Variants in CNTLN observed in about 807,000 individuals in gnomAD.
CNTLN encodes the protein centlein.
Under a neutral mutation model 180.0 loss-of-function variants are expected in CNTLN, and 212 were observed. The observed-to-expected ratio is 1.18, with a 90% CI of 1.05 to 1.32. The LOEUF is 1.32. CNTLN is among the 40% of genes most tolerant of loss of function. The probability of loss-of-function intolerance (pLI) is 0.00; values close to 1 mark genes in which losing one functional copy is unlikely to be tolerated. For synonymous variants in CNTLN, 722 were observed against 563.1 expected, an observed-to-expected ratio of 1.28 and a Z score of -3.99; for missense variants, 2,095 against 1,610.9, an observed-to-expected ratio of 1.30 and a Z score of -5.14.
chr9:17,299,669 G>A (rs1367169370), intron 7 of CNTLN: 1 of 982,500 alleles, frequency 1.0e-6, no homozygotes, highest in East Asian at 1.1e-4. Flanking sequence ...TGTTTTATGG[G>A]GTGACATTGC....
At chr9:17,158,907 C>T (rs1165190911) in intron 2 of CNTLN, among the ~76,000 whole-genome samples, 2 of 151,730 alleles carry the variant, frequency 1.3e-5, no homozygotes, top group Admixed American at 1.3e-4. Context: ...ATTCTGCTTG[C>T]TTTAGGTTTA....
At chr9:17,203,748 G>A (rs1457448090) in intron 2 of CNTLN, among the ~76,000 whole-genome samples, 2 of 152,082 alleles carry the variant, frequency 1.3e-5, no homozygotes, top group African/African-American at 2.4e-5. Context: ...TAGTAGAGAC[G>A]GGGTTTCACC....
chr9:17,440,483 A>G (rs1314979106), intron 18 of CNTLN, among the ~76,000 whole-genome samples: 2 of 150,492 alleles, frequency 1.3e-5, no homozygotes, highest in Admixed American at 1.3e-4. Flanking sequence ...CAGCTATTCG[A>G]GAGGCTGAGG....
At chr9:17,303,086 T>G (rs1186658357) in intron 7 of CNTLN, among the ~76,000 whole-genome samples, 1 of 152,208 alleles carries the variant, frequency 6.6e-6, no homozygotes, top group Non-Finnish European at 1.5e-5. Flanking sequence ...TATCCCTGTT[T>G]GTAGATCAGG....
chr9:17,247,306 A>G (rs949338261), intron 5 of CNTLN, among the ~76,000 whole-genome samples: 1 of 152,054 alleles, frequency 6.6e-6, no homozygotes, highest in Non-Finnish European at 1.5e-5. Flanking sequence ...TCAGATTCCA[A>G]CTGCTGGGTT....
At chr9:17,388,054 C>T (rs1825819614) in intron 13 of CNTLN, 108 bp from the exon 14 acceptor site, 2 of 577,312 alleles carry the variant, frequency 3.5e-6, no homozygotes, top group South Asian at 5.5e-5. Flanking sequence ...AAGAAAATAG[C>T]CTAGATTATT....
chr9:17,267,886 A>G (rs146201887), intron 5 of CNTLN, among the ~76,000 whole-genome samples: 2,405 of 152,224 alleles, frequency 0.016, 68 homozygotes, highest in African/African-American at 0.055. Context: ...TTTCAGCTCC[A>G]TCAGGTTCTT....
chr9:17,426,558 C>T (rs1340025492), intron 18 of CNTLN, among the ~76,000 whole-genome samples: 1 of 151,472 alleles, frequency 6.6e-6, no homozygotes, highest in African/African-American at 2.4e-5. Context: ...AATATATATA[C>T]ATTTTATATA....
chr9:17,411,633 G>A (rs747033737), intron 16 of CNTLN, among the ~76,000 whole-genome samples: 11 of 152,228 alleles, frequency 7.2e-5, no homozygotes, highest in African/African-American at 2.2e-4. Flanking sequence ...TCTGCCTCCC[G>A]TTAGACCAGC....
intron 2 of CNTLN, among the ~76,000 whole-genome samples, chr9:17,210,589 T>C (rs1373186297): frequency 6.6e-6 from 1 of 152,188 alleles, no homozygotes; most frequent in Non-Finnish European, 1.5e-5. Context: ...AGTAATGGGA[T>C]GAGTCAAATG....
At chr9:17,159,712 G>A (rs1218335570) in intron 2 of CNTLN, among the ~76,000 whole-genome samples, 2 of 152,098 alleles carry the variant, frequency 1.3e-5, no homozygotes, top group African/African-American at 4.8e-5. Flanking sequence ...CTTGGCTGCA[G>A]CTGTCTGGAA....
intron 16 of CNTLN, among the ~76,000 whole-genome samples, chr9:17,413,756 A>G (rs1476528816): frequency 6.6e-6 from 1 of 152,192 alleles, no homozygotes; most frequent in Non-Finnish European, 1.5e-5. Flanking sequence ...TCTCTCATAT[A>G]TTGTTCATGT....
intron 8 of CNTLN, among the ~76,000 whole-genome samples, chr9:17,316,558 G>A (rs1819550800): frequency 6.6e-6 from 1 of 151,966 alleles, no homozygotes; most frequent in African/African-American, 2.4e-5. Context: ...CATATCATAA[G>A]TCAAGGAGTG....
At chr9:17,417,811 C>T (rs1456058994) in intron 18 of CNTLN, among the ~76,000 whole-genome samples, 2 of 151,752 alleles carry the variant, frequency 1.3e-5, no homozygotes, top group African/African-American at 4.8e-5. Context: ...TTTTAATGTC[C>T]TTTCTTCTAA....
the CNTLN span, among the ~76,000 whole-genome samples, chr9:17,523,868 T>C: frequency 1.3e-3 from 194 of 152,346 alleles, 1 homozygote; most frequent in African/African-American, 4.4e-3. Flanking sequence ...GGAGCACTCA[T>C]CAGTTGAACA....
At chr9:17,269,250 G>C (rs772408673) in intron 5 of CNTLN, among the ~76,000 whole-genome samples, 37 of 151,666 alleles carry the variant, frequency 2.4e-4, no homozygotes, top group Non-Finnish European at 4.7e-4. Context: ...CTATTGTTTT[G>C]TTATTTAATT....
chr9:17,320,858 C>T (rs1208122343), intron 8 of CNTLN, among the ~76,000 whole-genome samples: 1 of 152,184 alleles, frequency 6.6e-6, no homozygotes, highest in African/African-American at 2.4e-5. Context: ...GAATTATTAA[C>T]ACTAGAATTA....
chr9:17,295,806 A>G (rs1041793685), intron 6 of CNTLN, among the ~76,000 whole-genome samples: 3 of 152,132 alleles, frequency 2.0e-5, no homozygotes, highest in Admixed American at 2.0e-4. Context: ...GTGGGGCGAT[A>G]GAAATAAACA....
the CNTLN span, among the ~76,000 whole-genome samples, chr9:17,524,467 G>T: frequency 2.0e-5 from 3 of 152,142 alleles, no homozygotes; most frequent in Non-Finnish European, 4.4e-5. Context: ...ATTAGAGAGG[G>T]CAGTCTGCTT....
Sources: gnomAD v4.1 joint callset for allele counts (sites outside exome capture counted in the v4.1 genomes callset) on GRCh38, gnomAD v4.1.1 for gene constraint, MANE v1.5 for transcripts, NCBI Gene and HGNC (gene_info 2026-07-23, HGNC 2026-07-21) for gene names.